The following SIAH1 variants were observed in gnomAD, a reference collection of about 807,000 sequenced individuals.
The protein encoded by SIAH1 is E3 ubiquitin-protein ligase SIAH1.
In SIAH1, 2 loss-of-function variants were observed where a neutral mutation model predicts 20.0. The observed-to-expected ratio is 0.10, with a 90% CI of 0.04 to 0.31. The LOEUF (loss-of-function observed/expected upper bound fraction) is 0.31. Ranked by LOEUF, SIAH1 falls within the 10% of genes least tolerant of loss-of-function variation. The pLI, the probability that SIAH1 is intolerant of heterozygous loss-of-function variation, is 1.00. For synonymous variants in SIAH1, 118 were observed against 125.3 expected (o/e 0.94, Z 0.39); for missense variants, 119 against 355.3 (o/e 0.33, Z 5.35).
chr16:48,367,415 CTTAATTA>C (rs1054041229), intron 1 of SIAH1, among the ~76,000 whole-genome samples: 9 of 152,192 alleles, frequency 5.9e-5, no homozygotes, highest in African/African-American at 2.2e-4. Flanking sequence ...GGCCCCTCTA[CTTAATTA>C]AGTCAGAAAA....
chr16:48,365,882 T>C (rs539728442), intron 1 of SIAH1: 424 of 1,238,904 alleles, frequency 3.4e-4, no homozygotes, highest in Middle Eastern at 2.2e-3. Context: ...GCTCAAGAGT[T>C]ACTGCAGGAG....
At position 48,361,367 on chromosome 16, in the gene SIAH1, A is replaced by G. The variant is rs895260776; in HGVS notation, c.*213T>C. The G allele has an allele frequency of 3.8e-6, 2 of 527,208 alleles. No individual in the cohort carries two copies. Among genetic ancestry groups the G allele is most frequent in the African/African-American group, 1.9e-5 (1 of 52,628 alleles). 32.7% of individuals were successfully genotyped at this position (527,208 alleles called of 1,614,324 possible). On this transcript the variant is annotated 3_prime_UTR_variant, in exon 2 of 2. Transcript: ENST00000394725. The stretch of plus-strand genomic sequence containing the variant: ...GCCCATCTTGGGTGTATATACATAT[A>G]TTTTTTCAGTGGTTTACTGTTGACT...
chr16:48,372,942 T>A (rs974370523), intron 1 of SIAH1, among the ~76,000 whole-genome samples: 1 of 152,076 alleles, frequency 6.6e-6, no homozygotes, highest in African/African-American at 2.4e-5. Flanking sequence ...CCTAACAGAG[T>A]TGACGGATCA....
intron 1 of SIAH1, among the ~76,000 whole-genome samples, chr16:48,384,283 G>A (rs961626554): frequency 4.6e-5 from 7 of 152,122 alleles, no homozygotes; most frequent in East Asian, 3.9e-4. Flanking sequence ...TTTGGCAAAA[G>A]AAGTACACAC....
In SIAH1 at chr16:48,381,202, G is replaced by C. The variant is rs1280540556; in HGVS notation, c.-3+4002C>G. 2.6e-5 allele frequency among the ~76,000 whole-genome samples: 4 copies of C among 152,010 alleles called. No individual in the cohort carries two copies. In the East Asian group the frequency reaches 7.7e-4, roughly 29 times the overall value. On this transcript the variant is annotated intron_variant, in intron 1 of 1. Coordinates refer to ENST00000394725, the MANE Select transcript of SIAH1 (RefSeq NM_003031.4). The stretch of plus-strand genomic sequence containing the variant: ...TCTACTAAAAATCCAAAAATTAGCT[G>C]GGCGTCATGGCAGGCGCCTGTAATC...
chr16:48,365,473 G>A (rs1462955221), intron 1 of SIAH1: 11 of 1,612,672 alleles, frequency 6.8e-6, no homozygotes, highest in Middle Eastern at 1.7e-4. Flanking sequence ...AGCCTTTCCC[G>A]TCATGAGAAG....
chr16:48,365,588 A>C, intron 1 of SIAH1: 1 of 1,485,448 alleles, frequency 6.7e-7, no homozygotes, highest in East Asian at 2.5e-5. Context: ...TGAGGTCAGG[A>C]TCCAAATACC....
chr16:48,363,212 TC>T (rs1040623176), intron 1 of SIAH1: 7 of 167,036 alleles, frequency 4.2e-5, no homozygotes, highest in African/African-American at 1.7e-4. Context: ...TTCCATTAAC[TC>T]TTCTTAATGG....
intron 1 of SIAH1, among the ~76,000 whole-genome samples, chr16:48,368,074 C>T (rs1476208670): frequency 6.6e-6 from 1 of 152,144 alleles, no homozygotes; most frequent in Non-Finnish European, 1.5e-5. Flanking sequence ...CTCAATTCCA[C>T]GTGGTAATCT....
intron 1 of SIAH1, among the ~76,000 whole-genome samples, chr16:48,381,878 A>G (rs1013642231): frequency 2.6e-5 from 4 of 152,168 alleles, no homozygotes; most frequent in South Asian, 2.1e-4. Context: ...TGGTGTGTCA[A>G]TGTAGGTTCC....
intron 1 of SIAH1, chr16:48,365,889 G>A (rs1960816490): frequency 4.9e-6 from 6 of 1,235,504 alleles, no homozygotes; most frequent in Middle Eastern, 3.1e-4. Flanking sequence ...AGTTACTGCA[G>A]GAGCCTGCCT....
At chr16:48,382,999 TAC>T (rs1961337962) in intron 1 of SIAH1, among the ~76,000 whole-genome samples, 1 of 152,188 alleles carries the variant, frequency 6.6e-6, no homozygotes, top group African/African-American at 2.4e-5. Context: ...GCTTTTTAAT[TAC>T]AGATATTAAG....
chr16:48,384,328 C>T (rs944397520), intron 1 of SIAH1, among the ~76,000 whole-genome samples: 2 of 152,162 alleles, frequency 1.3e-5, no homozygotes, highest in Admixed American at 1.3e-4. Flanking sequence ...CTGGACTTTT[C>T]TGAATGTCCG....
At chr16:48,373,689 A>C (rs1330666352) in intron 1 of SIAH1, among the ~76,000 whole-genome samples, 1 of 152,214 alleles carries the variant, frequency 6.6e-6, no homozygotes, top group African/African-American at 2.4e-5. Context: ...TAGATTAATT[A>C]ATCCAGCTCC....
intron 1 of SIAH1, among the ~76,000 whole-genome samples, chr16:48,382,726 G>A (rs1961331186): frequency 6.6e-6 from 1 of 152,100 alleles, no homozygotes; most frequent in Admixed American, 6.5e-5. Flanking sequence ...ATTTCACAAA[G>A]CGAATATGGA....
intron 1 of SIAH1, among the ~76,000 whole-genome samples, chr16:48,375,641 AAAAAAAC>A (rs915196628): frequency 1.3e-5 from 2 of 152,224 alleles, no homozygotes; most frequent in African/African-American, 2.4e-5. Flanking sequence ...TCCGTCTCAA[AAAAAAAC>A]AAAAAACAAA....
intron 1 of SIAH1, among the ~76,000 whole-genome samples, chr16:48,370,594 G>A (rs778654520): frequency 1.3e-5 from 2 of 152,034 alleles, no homozygotes; most frequent in Non-Finnish European, 2.9e-5. Flanking sequence ...TGAGGTGGGC[G>A]GATCATGAGG....
At chr16:48,385,642 A>C (rs917001704), upstream of SIAH1, among the ~76,000 whole-genome samples, 2 of 152,016 alleles carry the variant, frequency 1.3e-5, no homozygotes, top group Admixed American at 1.3e-4. Context: ...TGCACCGCGC[A>C]TTCAACGGAT....
chr16:48,369,335 C>G (rs749027389), intron 1 of SIAH1, among the ~76,000 whole-genome samples: 1 of 152,174 alleles, frequency 6.6e-6, no homozygotes, highest in Non-Finnish European at 1.5e-5. Context: ...CCCAGGAAAG[C>G]TGCTGTCAAC....
Sources: gnomAD v4.1 joint callset for allele counts (sites outside exome capture counted in the v4.1 genomes callset) on GRCh38, gnomAD v4.1.1 for gene constraint, MANE v1.5 for transcripts, NCBI Gene and HGNC (gene_info 2026-07-23, HGNC 2026-07-21) for gene names.